The following OR2T2 variants were observed in gnomAD, a reference collection of about 807,000 sequenced individuals.
The protein encoded by OR2T2 is olfactory receptor family 2 subfamily T member 2.
For synonymous variants in OR2T2, 50 were observed against 162.7 expected (o/e 0.31, Z 5.27); for missense variants, 138 against 409.1 (o/e 0.34, Z 5.72).
Position 248,449,828 on chromosome 1 carries a change from CT to C in OR2T2, c.-22-2933del, listed in dbSNP as rs777942474. 3.0e-3 allele frequency among the ~76,000 whole-genome samples: 346 copies of C among 115,124 alleles called. 8 individuals are homozygous for C. Among genetic ancestry groups the C allele is most frequent in the African/African-American group, 0.014 (272 of 19,478 alleles). The allele number at this position is 115,124 out of a possible 152,430, so 75.5% of individuals were successfully genotyped here. ...GCTTTTTCTTTTTCTTTTTCTTTTT[CT>C]TTTTTTTTTTTTTTGGAAAGACTAG... On this transcript the variant is annotated intron_variant, in intron 2 of 2. Coordinates refer to ENST00000642130, the Ensembl canonical transcript of OR2T2.
At position 248,452,778 on chromosome 1, in the gene OR2T2, C is replaced by T. The variant is rs376127832; in HGVS notation, c.-20C>T. ...CTGCCAGATTTCTGCCTTTACAGCC[C>T]AAGGAGCTTGTCATGGACCATGGGC... On this transcript the variant is annotated splice_region_variant and 5_prime_UTR_variant, in exon 3 of 3. Transcript: ENST00000642130. The T allele has an allele frequency of 9.9e-4, 1,590 of 1,611,644 alleles. No individual in the cohort carries two copies. In the African/African-American group the frequency reaches 0.017, roughly 17 times the overall value.
rs757920033 is a variant in OR2T2, at chr1:248,453,016, C to CA, written c.219_220insA (p.Tyr74IlefsTer49). 2.5e-6 allele frequency: 4 copies of CA among 1,613,290 alleles called. No homozygotes were observed. The African/African-American group carries it at 5.4e-5, about 22-fold the overall frequency. On this transcript the variant is annotated frameshift_variant, in exon 3 of 3. Coordinates refer to ENST00000642130, the Ensembl canonical transcript of OR2T2. LOFTEE classifies it low-confidence loss of function (END_TRUNC). The stretch of plus-strand genomic sequence containing the variant: ...GCCAGCTCTCCATCATGGATACCAT[C>CA]TACATCTGTATCACTGTCCCCAAGA...
intron 2 of OR2T2, among the ~76,000 whole-genome samples, chr1:248,450,291 C>T (rs1442244992): frequency 7.7e-6 from 1 of 129,870 alleles, no homozygotes; most frequent in South Asian, 2.7e-4. Context: ...CACACACTCA[C>T]ATATGAACAC....
exon 3 of OR2T2, chr1:248,455,108 A>G (rs1662905172): frequency 6.6e-6 from 1 of 151,018 alleles, no homozygotes; most frequent in African/African-American, 2.5e-5. Flanking sequence ...CCCACCATTC[A>G]TGTAACTTTA....
Position 248,446,297 on chromosome 1 carries a change from C to T in OR2T2, c.-245-292C>T, listed in dbSNP as rs557456543. On this transcript the variant is annotated intron_variant, in intron 1 of 2. Coordinates refer to ENST00000642130, the Ensembl canonical transcript of OR2T2. ...GCCATCTTAGCATGGCATATAAAAGCCTGTTGAGCTGAGTAACTGGAGCCC... is the reference window on the plus strand; with the variant it reads ...GCCATCTTAGCATGGCATATAAAAGTCTGTTGAGCTGAGTAACTGGAGCCC... Among the ~76,000 whole-genome samples the T allele has an allele frequency of 5.7e-4, 83 of 144,452 alleles. 3 individuals carry two copies. The highest frequency in any genetic ancestry group is 1.5e-3 in the Admixed American group (23 of 14,912). The allele number at this position is 144,452 out of a possible 152,430, so 94.8% of individuals were successfully genotyped here.
intron 1 of OR2T2, among the ~76,000 whole-genome samples, chr1:248,445,922 G>A (rs1425808171): frequency 1.4e-5 from 2 of 147,328 alleles, no homozygotes; most frequent in South Asian, 2.1e-4. Context: ...AGAAGAACAT[G>A]AATAGATTTA....
Position 248,446,255 on chromosome 1 carries a change from T to A in OR2T2, c.-245-334T>A, listed in dbSNP as rs535154311. Reference sequence around the variant, plus strand: ...AAGATCTTTTTTTTTAATAAAACTATTAGAGGTCTCCTAGAAGCCATCTTA... The same window carrying A: ...AAGATCTTTTTTTTTAATAAAACTAATAGAGGTCTCCTAGAAGCCATCTTA... On this transcript the variant is annotated intron_variant, in intron 1 of 2. Transcript: ENST00000642130. 8.3e-5 allele frequency among the ~76,000 whole-genome samples: 12 copies of A among 144,536 alleles called. 1 individual carries two copies. Among genetic ancestry groups the A allele is most frequent in the South Asian group, 4.2e-4 (2 of 4,736 alleles). The allele number at this position is 144,536 out of a possible 152,430, so 94.8% of individuals were successfully genotyped here. A position where few individuals can be genotyped will look rare whatever the true frequency, so the allele number is the denominator to read the frequency against.
intron 2 of OR2T2, 91 bp from the exon 3 acceptor site, chr1:248,449,103 C>CAG (rs1662731604): frequency 6.8e-6 from 1 of 147,442 alleles, no homozygotes; most frequent in Admixed American, 6.8e-5. Context: ...ATAGCTCACC[C>CAG]AGTGCTAGGT....
chr1:248,447,926 CAA>C (rs1662704490), intron 2 of OR2T2, among the ~76,000 whole-genome samples: 1 of 151,974 alleles, frequency 6.6e-6, no homozygotes, highest in Non-Finnish European at 1.5e-5. Context: ...TGAAAAATCT[CAA>C]ATTTTAAATT....
rs1299966552 is a variant in OR2T2, at chr1:248,450,291, CAT to C, written c.-22-2482_-22-2481del. ...CACACATACCATGCTCACACACTCA[CAT>C]ATGAACACACTACACACACATGTAC... On this transcript the variant is annotated intron_variant, in intron 2 of 2. Transcript: ENST00000642130. Among the ~76,000 whole-genome samples the C allele has an allele frequency of 3.9e-5, 5 of 129,870 alleles. No individual in the cohort carries two copies. The East Asian group carries it at 7.9e-4, about 21-fold the overall frequency. 85.2% of individuals were successfully genotyped at this position (129,870 alleles called of 152,430 possible).
intron 2 of OR2T2, among the ~76,000 whole-genome samples, chr1:248,450,017 G>A (rs559861976): frequency 3.5e-3 from 514 of 148,714 alleles, no homozygotes; most frequent in African/African-American, 0.011. Context: ...GTAGATGCTC[G>A]GAACTGATGT....
In OR2T2 at chr1:248,452,601, G is replaced by C. The variant is rs144303506; in HGVS notation, c.-22-175G>C. On this transcript the variant is annotated intron_variant, in intron 2 of 2. Coordinates refer to ENST00000642130, the Ensembl canonical transcript of OR2T2. ...TTCACAGATGATGAAATTGAGTTGA[G>C]ATTAATTTTCTGTCCAATATCATAC... Among the ~76,000 whole-genome samples the C allele has an allele frequency of 2.1e-3, 289 of 135,028 alleles. 58 individuals carry two copies. In the East Asian group the frequency reaches 0.066, roughly 31 times the overall value. The allele number at this position is 135,028 out of a possible 152,430, so 88.6% of individuals were successfully genotyped here.
chr1:248,446,088 TAA>T lies in OR2T2; in HGVS notation c.-246+420_-246+421del, dbSNP rs570932020. Among the ~76,000 whole-genome samples the T allele has an allele frequency of 1.7e-3, 243 of 145,770 alleles. 27 individuals are homozygous for T. The highest frequency in any genetic ancestry group is 6.5e-3 in the African/African-American group (235 of 36,094). Reference sequence around the variant, plus strand: ...TTTGTTAAAATTTTAATTTACATTTTAAGTTAAATGATTAATTGCTCCGTTCA... The same window carrying T: ...TTTGTTAAAATTTTAATTTACATTTTGTTAAATGATTAATTGCTCCGTTCA... On this transcript the variant is annotated intron_variant, in intron 1 of 2. Coordinates refer to ENST00000642130, the Ensembl canonical transcript of OR2T2.
intron 1 of OR2T2, among the ~76,000 whole-genome samples, chr1:248,446,238 T>TTC (rs1231384283): frequency 7.0e-6 from 1 of 142,564 alleles, no homozygotes. Context: ...TTAAGATCTT[T>TTC]TTTTTTAATA....
chr1:248,450,689 G>GCT (rs1194265319), intron 2 of OR2T2, among the ~76,000 whole-genome samples: 2 of 152,076 alleles, frequency 1.3e-5, no homozygotes, highest in African/African-American at 4.8e-5. Context: ...ATGATTGTCA[G>GCT]CTAACCTAAC....
chr1:248,455,268 ATGT>A (rs1239922235), exon 3 of OR2T2: 6 of 111,158 alleles, frequency 5.4e-5, no homozygotes, highest in East Asian at 2.8e-4. Context: ...ACTCAGCCTT[ATGT>A]TGTTCTAGTG....
chr1:248,445,884 T>TG (rs1273399962), intron 1 of OR2T2, among the ~76,000 whole-genome samples: 1 of 150,158 alleles, frequency 6.7e-6, no homozygotes. Context: ...GCATGAAACG[T>TG]GGGAAGCTAA....
At chr1:248,446,417 G>GCTCAC (rs1382240970) in intron 1 of OR2T2, among the ~76,000 whole-genome samples, 172 bp from the exon 2 acceptor site, 14 of 138,694 alleles carry the variant, frequency 1.0e-4, no homozygotes, top group South Asian at 2.1e-4. Flanking sequence ...CCTTGCTTCA[G>GCTCAC]CTCACCTCAC....
At chr1:248,446,937 C>T (rs1262371756) in intron 2 of OR2T2, 126 bp downstream of exon 2, 2 of 132,186 alleles carry the variant, frequency 1.5e-5, no homozygotes, top group Non-Finnish European at 3.2e-5. Context: ...TTTTTAAAGC[C>T]AAGAAAACTT....
Sources: allele counts gnomAD v4.1 joint callset (sites outside exome capture counted in the v4.1 genomes callset), GRCh38; gene constraint gnomAD v4.1.1; transcripts MANE v1.5; gene names NCBI Gene and HGNC (gene_info 2026-07-23, HGNC 2026-07-21).